The following F13A1 variants were observed in gnomAD, a reference collection of about 807,000 sequenced individuals.
F13A1 encodes the protein FSF, A subunit.
Under a neutral mutation model 80.1 loss-of-function variants are expected in F13A1, and 47 were observed. The ratio of observed to expected loss-of-function variants is 0.59; its 90% CI spans 0.46 to 0.75. F13A1 has a LOEUF of 0.75. Ranked by LOEUF, F13A1 falls within the 30% of genes least tolerant of loss-of-function variation. The pLI is 0.00. For missense variants in F13A1, 817 were observed against 930.4 expected (o/e 0.88, Z 1.59); for synonymous variants, 349 against 344.9 (o/e 1.01, Z -0.13).
At chr6:6,161,675 G>A (rs1002713127) in intron 13 of F13A1, among the ~76,000 whole-genome samples, 1 of 152,130 alleles carries the variant, frequency 6.6e-6, no homozygotes, top group Non-Finnish European at 1.5e-5. Flanking sequence ...TGGGGAAAGA[G>A]ACGTGTGCTC....
chr6:6,193,523 A>C (rs922870), intron 10 of F13A1, among the ~76,000 whole-genome samples: 21,288 of 152,160 alleles, frequency 0.14, 1,957 homozygotes, highest in South Asian at 0.28. Context: ...AACATCTCTT[A>C]AAAATGGCTC....
chr6:6,283,544 CT>C (rs763902733), intron 3 of F13A1, among the ~76,000 whole-genome samples: 10 of 152,066 alleles, frequency 6.6e-5, no homozygotes, highest in Admixed American at 1.3e-4. Context: ...AAAAACAGTT[CT>C]TTGTATGGTT....
rs554546246 is a variant in F13A1, at chr6:6,275,290, C to T, written c.320-8481G>A. Among the ~76,000 whole-genome samples the T allele has an allele frequency of 6.6e-5, 10 of 152,042 alleles. No individual in the cohort carries two copies. The East Asian group carries it at 1.2e-3, about 18-fold the overall frequency. On this transcript the variant is annotated intron_variant, in intron 3 of 14. Transcript: ENST00000264870. ...TTAAGTAGGGGGGCAGAGCCATAGGCGACCCCAGGTTTTGTTCATTCTTGA... is the reference window on the plus strand; with the variant it reads ...TTAAGTAGGGGGGCAGAGCCATAGGTGACCCCAGGTTTTGTTCATTCTTGA...
intron 14 of F13A1, among the ~76,000 whole-genome samples, chr6:6,151,598 C>G (rs1190540710): frequency 6.6e-6 from 1 of 152,194 alleles, no homozygotes; most frequent in East Asian, 1.9e-4. Flanking sequence ...ATAGCAGTAT[C>G]TACATCGTAG....
chr6:6,199,186 A>G (rs1583067762), intron 8 of F13A1, among the ~76,000 whole-genome samples: 1 of 152,266 alleles, frequency 6.6e-6, no homozygotes, highest in South Asian at 2.1e-4. Flanking sequence ...TGTCCCTAGC[A>G]CCCTATAAGA....
intron 13 of F13A1, among the ~76,000 whole-genome samples, chr6:6,165,135 C>T (rs927582593): frequency 1.3e-4 from 20 of 152,222 alleles, no homozygotes; most frequent in African/African-American, 3.6e-4. Flanking sequence ...ATCTCCATCT[C>T]TCTCATGCTC....
chr6:6,229,670 C>T (rs530067788), intron 6 of F13A1, among the ~76,000 whole-genome samples: 4 of 152,180 alleles, frequency 2.6e-5, no homozygotes, highest in Non-Finnish European at 2.9e-5. Context: ...AGATCCAGGT[C>T]GACTGCAAGA....
intron 3 of F13A1, among the ~76,000 whole-genome samples, chr6:6,288,108 T>A (rs1758163760): frequency 1.3e-5 from 2 of 152,232 alleles, no homozygotes; most frequent in South Asian, 4.1e-4. Context: ...AATTCACATG[T>A]TTATTACCTT....
At chr6:6,294,911 C>T (rs1408410725) in intron 3 of F13A1, among the ~76,000 whole-genome samples, 3 of 118,884 alleles carry the variant, frequency 2.5e-5, no homozygotes, top group African/African-American at 9.8e-5. Context: ...CACCCCACAA[C>T]AGGCCCCAGA....
Position 6,162,707 on chromosome 6 carries a change from T to C in F13A1, c.1908+4751A>G, listed in dbSNP as rs1760596290. Among the ~76,000 whole-genome samples, 2 of 152,190 alleles carry C rather than the reference T, an allele frequency of 1.3e-5. No individual in the cohort carries two copies. Among genetic ancestry groups the C allele is most frequent in the Admixed American group, 1.3e-4 (2 of 15,280 alleles). On this transcript the variant is annotated intron_variant, in intron 13 of 14. Coordinates refer to ENST00000264870, the MANE Select transcript of F13A1 (RefSeq NM_000129.4). This position sits in a 1 kb window ranked among gnomAD's most constrained non-coding sequence, Gnocchi z 4.2. ...TGTGCACTGTGACTCGGGCATCCAATGACTCATAAAAAACTCACAAGGACC... is the reference window on the plus strand; with the variant it reads ...TGTGCACTGTGACTCGGGCATCCAACGACTCATAAAAAACTCACAAGGACC...
rs192961024 is a variant in F13A1 at position 6,250,638 on chromosome 6, G to A, written c.690+173C>T. Among the ~76,000 whole-genome samples the A allele has an allele frequency of 1.2e-4, 18 of 152,232 alleles. No homozygotes were observed. The highest frequency in any genetic ancestry group is 4.1e-4 in the South Asian group (2 of 4,826). Reference sequence around the variant, plus strand: ...TATGTGGTTTCAGCTGATAAATTACGCAGTTGTCTTTATGAGTCCCTACTC... The same window carrying A: ...TATGTGGTTTCAGCTGATAAATTACACAGTTGTCTTTATGAGTCCCTACTC... On this transcript the variant is annotated intron_variant, in intron 5 of 14. Transcript: ENST00000264870. The surrounding 1 kb of genome is among the most constrained non-coding windows in gnomAD (Gnocchi z 4.2).
At chr6:6,317,579 C>G (rs1181532217) in intron 2 of F13A1, among the ~76,000 whole-genome samples, 1 of 152,088 alleles carries the variant, frequency 6.6e-6, no homozygotes, top group East Asian at 1.9e-4. Context: ...GCTGGATAAA[C>G]TGCACTTCCC....
At chr6:6,196,255 GTTTTGCTTTTTGTC>G (rs1761289037) in intron 9 of F13A1, among the ~76,000 whole-genome samples, 1 of 152,132 alleles carries the variant, frequency 6.6e-6, no homozygotes, top group African/African-American at 2.4e-5. Context: ...GTTGCTGTTT[GTTTTGCTTTTTGTC>G]TTTTGTTTTT....
chr6:6,187,207 A>G (rs1198209453), intron 10 of F13A1, among the ~76,000 whole-genome samples: 3 of 128,728 alleles, frequency 2.3e-5, no homozygotes, highest in African/African-American at 9.4e-5. Flanking sequence ...CTAATTGAAT[A>G]CCCTTTATTT....
intron 12 of F13A1, among the ~76,000 whole-genome samples, chr6:6,171,801 T>G (rs1312972448): frequency 6.6e-6 from 1 of 152,232 alleles, no homozygotes. Context: ...TGTTCCTGAT[T>G]CTGGCTCCTT....
intron 4 of F13A1, among the ~76,000 whole-genome samples, chr6:6,251,653 G>A (rs754078704): frequency 8.5e-5 from 13 of 152,108 alleles, no homozygotes; most frequent in Non-Finnish European, 1.3e-4. Context: ...AGTGTAAATC[G>A]CACTCAGGAA....
intron 2 of F13A1, among the ~76,000 whole-genome samples, chr6:6,313,410 TAAAGA>T (rs545897142): frequency 1.5e-4 from 15 of 98,896 alleles, no homozygotes; most frequent in African/African-American, 5.0e-4. Flanking sequence ...AATGGACTGT[TAAAGA>T]AAAGAAAAAA....
intron 8 of F13A1, among the ~76,000 whole-genome samples, chr6:6,214,289 C>T (rs1279601658): frequency 6.6e-6 from 1 of 151,902 alleles, no homozygotes; most frequent in Non-Finnish European, 1.5e-5. Context: ...GAAAAGCCCT[C>T]CTCAGCAAAT....
intron 6 of F13A1, among the ~76,000 whole-genome samples, chr6:6,225,133 T>A (rs192707984): frequency 6.6e-6 from 1 of 152,222 alleles, no homozygotes; most frequent in African/African-American, 2.4e-5. Flanking sequence ...GTGTGACACC[T>A]ACCGGATTGG....
Sources: allele counts gnomAD v4.1 joint callset (sites outside exome capture counted in the v4.1 genomes callset), GRCh38; gene constraint gnomAD v4.1.1; non-coding constraint Gnocchi (gnomAD v3.1); transcripts MANE v1.5; gene names NCBI Gene and HGNC (gene_info 2026-07-23, HGNC 2026-07-21).